Variants in CCDC85A observed in about 807,000 individuals in gnomAD.
CCDC85A encodes the protein coiled-coil domain-containing protein 85A.
In CCDC85A, 38 loss-of-function variants were observed where a neutral mutation model predicts 50.2. The ratio of observed to expected loss-of-function variants is 0.76; its 90% CI spans 0.58 to 0.99. The LOEUF is 0.99. Among genes scored for constraint, CCDC85A ranks in the 50% least tolerant of loss-of-function variants. The pLI is 0.00. For missense variants in CCDC85A, 820 were observed against 742.0 expected (o/e 1.11, Z -1.22); for synonymous variants, 366 against 301.4 (o/e 1.21, Z -2.22).
rs141300655 is a variant in CCDC85A at position 56,290,817 on chromosome 2, G to A, written c.1241-52062G>A. The stretch of plus-strand genomic sequence containing the variant: ...ATTTTGAGGTATACTAGTTTGTAGG[G>A]ATGTTAATTGGCATTAGTAGAAAAA... On this transcript the variant is annotated intron_variant, in intron 2 of 5. Transcript: ENST00000407595. 2.0e-3 allele frequency among the ~76,000 whole-genome samples: 303 copies of A among 152,264 alleles called. 1 individual carries two copies. Among genetic ancestry groups the A allele is most frequent in the African/African-American group, 7.0e-3 (292 of 41,546 alleles).
At chr2:56,356,183 C>T (rs184922819) in intron 3 of CCDC85A, among the ~76,000 whole-genome samples, 13 of 152,324 alleles carry the variant, frequency 8.5e-5, no homozygotes, top group Non-Finnish European at 1.2e-4. Context: ...AATGATTGGT[C>T]GTTATGCTTT....
At chr2:56,303,810 G>C (rs1672313365) in intron 2 of CCDC85A, among the ~76,000 whole-genome samples, 1 of 152,118 alleles carries the variant, frequency 6.6e-6, no homozygotes. Context: ...GGGTGCTTTA[G>C]ACTGTTATGT....
intron 2 of CCDC85A, among the ~76,000 whole-genome samples, chr2:56,233,510 A>T (rs866104805): frequency 5.9e-5 from 9 of 152,220 alleles, no homozygotes; most frequent in Non-Finnish European, 1.2e-4. Context: ...TAGTGAAAAT[A>T]AACTGTAGCC....
At chr2:56,188,045 C>T (rs1056604781) in intron 1 of CCDC85A, among the ~76,000 whole-genome samples, 1 of 152,192 alleles carries the variant, frequency 6.6e-6, no homozygotes, top group African/African-American at 2.4e-5. Flanking sequence ...ACTTGATAGT[C>T]TTCAGGCATA....
rs369410104 is a variant in CCDC85A at position 56,361,111 on chromosome 2, G to A, written c.1318-11233G>A. On this transcript the variant is annotated intron_variant, in intron 3 of 5. Coordinates refer to ENST00000407595, the MANE Select transcript of CCDC85A (RefSeq NM_001080433.2). ...TACTAAAAATGCAAAAACCTTAGCC[G>A]GGCGTGGTGGCGGGTGCCTGTAGTC... 5.1e-3 allele frequency among the ~76,000 whole-genome samples: 775 copies of A among 152,212 alleles called. 4 individuals are homozygous for A. The highest frequency in any genetic ancestry group is 0.041 in the Middle Eastern group (12 of 294).
At chr2:56,359,937 A>G (rs2104365795) in intron 3 of CCDC85A, among the ~76,000 whole-genome samples, 1 of 152,282 alleles carries the variant, frequency 6.6e-6, no homozygotes, top group Middle Eastern at 3.4e-3. Context: ...GAGGAGAACA[A>G]AGGCTAGTTC....
intron 2 of CCDC85A, among the ~76,000 whole-genome samples, chr2:56,207,971 T>C (rs1013784391): frequency 6.6e-6 from 1 of 152,156 alleles, no homozygotes; most frequent in Non-Finnish European, 1.5e-5. Flanking sequence ...TAGATAAAGG[T>C]GACTTTAATT....
At chr2:56,369,453 C>G (rs189789537) in intron 3 of CCDC85A, among the ~76,000 whole-genome samples, 3 of 152,166 alleles carry the variant, frequency 2.0e-5, no homozygotes, top group Admixed American at 2.0e-4. Context: ...GAAGAACTAA[C>G]CAGAATCTGA....
At chr2:56,187,015 T>C (rs1015566327) in intron 1 of CCDC85A, among the ~76,000 whole-genome samples, 7 of 152,188 alleles carry the variant, frequency 4.6e-5, no homozygotes, top group Non-Finnish European at 8.8e-5. Context: ...ACTCCCAGGC[T>C]TCTGGCCCAC....
chr2:56,210,527 T>C (rs937199398), intron 2 of CCDC85A, among the ~76,000 whole-genome samples: 14 of 152,008 alleles, frequency 9.2e-5, no homozygotes, highest in African/African-American at 3.1e-4. Context: ...ATAGTAGGGA[T>C]GGTTTGTTTC....
At chr2:56,287,601 A>G (rs994825961) in intron 2 of CCDC85A, among the ~76,000 whole-genome samples, 2 of 152,112 alleles carry the variant, frequency 1.3e-5, no homozygotes, top group Non-Finnish European at 1.5e-5. Flanking sequence ...TGTGGAATGC[A>G]TATTAGAGTT....
Position 56,372,401 on chromosome 2 carries a change from TG to T in CCDC85A, c.1380del (p.Ser461ProfsTer16). 2 of 1,604,094 alleles carry T rather than the reference TG, an allele frequency of 1.2e-6. No homozygotes were observed. Among genetic ancestry groups the T allele is most frequent in the Non-Finnish European group, 8.5e-7 (1 of 1,175,182 alleles). On this transcript the variant is annotated frameshift_variant, in exon 4 of 6. Transcript: ENST00000407595. LOFTEE classifies it high-confidence loss of function. The stretch of plus-strand genomic sequence containing the variant: ...AAACAGCTCAAATATGGAGAAAGGC[TG>T]GGGGTCCAGAGCCCGGCGGGTCTTG... ...TRNSSNMEKG[W>X]GSRARRVLQW... is the part of the protein sequence containing the mutation.
chr2:56,202,028 T>C (rs1271273585), intron 2 of CCDC85A, among the ~76,000 whole-genome samples: 1 of 152,208 alleles, frequency 6.6e-6, no homozygotes, highest in Non-Finnish European at 1.5e-5. Flanking sequence ...ACATTTATTC[T>C]TCTAGACATA....
intron 5 of CCDC85A, among the ~76,000 whole-genome samples, chr2:56,377,812 C>T (rs891885769): frequency 2.7e-5 from 4 of 150,604 alleles, no homozygotes; most frequent in South Asian, 2.1e-4. Context: ...TGCTTGAATC[C>T]GGGAGGCAGA....
intron 2 of CCDC85A, among the ~76,000 whole-genome samples, chr2:56,194,211 ACT>A (rs1676438506): frequency 6.6e-6 from 1 of 152,128 alleles, no homozygotes; most frequent in Admixed American, 6.5e-5. Flanking sequence ...GTGTTTGGAC[ACT>A]CTTTTGGTTT....
At chr2:56,370,509 C>T (rs753185867) in intron 3 of CCDC85A, among the ~76,000 whole-genome samples, 2 of 152,026 alleles carry the variant, frequency 1.3e-5, no homozygotes, top group Non-Finnish European at 2.9e-5. Flanking sequence ...TATTCTTCCA[C>T]AAAGATCTGG....
chr2:56,346,454 G>A (rs1674636038), intron 3 of CCDC85A, among the ~76,000 whole-genome samples: 1 of 152,198 alleles, frequency 6.6e-6, no homozygotes, highest in Non-Finnish European at 1.5e-5. Flanking sequence ...GTTTTATCCA[G>A]TGGTGAAGAG....
intron 3 of CCDC85A, among the ~76,000 whole-genome samples, chr2:56,362,618 T>A (rs928191913): frequency 4.0e-5 from 6 of 151,782 alleles, no homozygotes; most frequent in African/African-American, 1.5e-4. Context: ...CTTTTTAAGA[T>A]GAAGTCTCGC....
At chr2:56,221,368 A>AT (rs563321717) in intron 2 of CCDC85A, among the ~76,000 whole-genome samples, 201 of 147,396 alleles carry the variant, frequency 1.4e-3, no homozygotes, top group East Asian at 4.0e-3. Flanking sequence ...GATACTTTCT[A>AT]TTTTTTTTTT....
Sources: gnomAD v4.1 joint callset for allele counts (sites outside exome capture counted in the v4.1 genomes callset) on GRCh38, gnomAD v4.1.1 for gene constraint, MANE v1.5 for transcripts, NCBI Gene and HGNC (gene_info 2026-07-23, HGNC 2026-07-21) for gene names.